Variants in NOSTRIN observed in about 807,000 individuals in gnomAD.
The protein encoded by NOSTRIN is nitric oxide synthase trafficking, also known as BM247 homolog.
A neutral mutation model predicts 59.0 loss-of-function variants in NOSTRIN; 63 were observed. The ratio of observed to expected loss-of-function variants is 1.07; its 90% CI spans 0.87 to 1.32. NOSTRIN has a LOEUF of 1.32. Ranked by LOEUF, NOSTRIN falls within the 40% of genes most tolerant of loss-of-function variation. The pLI is 0.00. For missense variants in NOSTRIN, 512 were observed against 473.1 expected, an observed-to-expected ratio of 1.08 and a Z score of -0.76; for synonymous variants, 200 against 165.4, an observed-to-expected ratio of 1.21 and a Z score of -1.61.
chr2:168,848,805 T>C (rs889723096), intron 8 of NOSTRIN, among the ~76,000 whole-genome samples: 1 of 152,044 alleles, frequency 6.6e-6, no homozygotes, highest in African/African-American at 2.4e-5. Context: ...TGAGAAGTCG[T>C]TGTTTCATGG....
intron 1 of NOSTRIN, among the ~76,000 whole-genome samples, chr2:168,804,289 A>G (rs1685735576): frequency 6.6e-6 from 1 of 152,176 alleles, no homozygotes; most frequent in African/African-American, 2.4e-5. Context: ...ATGCTGGGCC[A>G]AGGACTCCTG....
At chr2:168,848,271 G>A (rs1323644651) in intron 8 of NOSTRIN, among the ~76,000 whole-genome samples, 1 of 152,242 alleles carries the variant, frequency 6.6e-6, no homozygotes, top group African/African-American at 2.4e-5. Flanking sequence ...CTGGGAGACA[G>A]AAGGGCAGAC....
Position 168,811,665 on chromosome 2 carries a change from C to T in NOSTRIN, c.113+13C>T, listed in dbSNP as rs191918822. On this transcript the variant is annotated intron_variant, in intron 2 of 15. Coordinates refer to ENST00000317647, the MANE Select transcript of NOSTRIN (RefSeq NM_001039724.4). ...TTCTTCAGCAAAGGTACAAAATGCA[C>T]GTTTGCAATAAATGGTTCTTCCTCT... is the stretch of plus-strand genomic sequence containing the variant. The T allele has an allele frequency of 2.4e-5, 20 of 836,028 alleles. No individual in the cohort carries two copies. The highest frequency in any genetic ancestry group is 8.6e-5 in the South Asian group (6 of 69,430). The allele number at this position is 836,028 out of a possible 1,614,324, so 51.8% of individuals were successfully genotyped here.
chr2:168,831,221 TA>T (rs1328639495), intron 5 of NOSTRIN, among the ~76,000 whole-genome samples: 33 of 152,308 alleles, frequency 2.2e-4, no homozygotes, highest in African/African-American at 5.8e-4. Context: ...AGTGGCTATT[TA>T]CTCACTGTAA....
chr2:168,820,718 C>CAAAAA (rs11452657), intron 2 of NOSTRIN, among the ~76,000 whole-genome samples: 1 of 133,008 alleles, frequency 7.5e-6, no homozygotes, highest in African/African-American at 2.8e-5. Flanking sequence ...AAAAGCTGGC[C>CAAAAA]AAAAAAAAAA....
intron 7 of NOSTRIN, among the ~76,000 whole-genome samples, chr2:168,841,540 C>T (rs941148681): frequency 3.3e-5 from 5 of 152,164 alleles, no homozygotes; most frequent in African/African-American, 1.2e-4. Context: ...AGGAAACCAT[C>T]TTATCAAGCT....
upstream of NOSTRIN, among the ~76,000 whole-genome samples, chr2:168,797,795 T>C (rs1052226317): frequency 6.6e-6 from 1 of 152,056 alleles, no homozygotes; most frequent in Admixed American, 6.6e-5. Context: ...TTGGGCAACA[T>C]GGTGAGACCC....
intron 15 of NOSTRIN, chr2:168,863,270 C>T (rs934348512): frequency 4.0e-5 from 13 of 324,886 alleles, no homozygotes; most frequent in African/African-American, 2.9e-4. Context: ...AATTTACTGA[C>T]GAGGGAGAAC....
intron 1 of NOSTRIN, among the ~76,000 whole-genome samples, chr2:168,807,596 A>G (rs1341309030): frequency 6.6e-6 from 1 of 152,150 alleles, no homozygotes; most frequent in African/African-American, 2.4e-5. Flanking sequence ...CTAAATTAAC[A>G]ACAAGTATGA....
chr2:168,863,737 AAAGAC>A, intron 15 of NOSTRIN: 1 of 838,034 alleles, frequency 1.2e-6, no homozygotes, highest in Non-Finnish European at 1.4e-6. Flanking sequence ...GATCTTAAGA[AAAGAC>A]TGTTGGTGAG....
chr2:168,847,777 A>G (rs548183973), intron 8 of NOSTRIN, among the ~76,000 whole-genome samples: 6 of 152,358 alleles, frequency 3.9e-5, no homozygotes, highest in African/African-American at 1.4e-4. Context: ...CCTATTTTAT[A>G]TAAAAAGAAC....
chr2:168,861,056 T>G (rs1689414554), intron 14 of NOSTRIN, 147 bp downstream of exon 14: 1 of 591,356 alleles, frequency 1.7e-6, no homozygotes, highest in African/African-American at 1.9e-5. Flanking sequence ...TGTTAGACTC[T>G]GTAGCTTTAT....
chr2:168,830,293 TG>T (rs1687291217), intron 5 of NOSTRIN, among the ~76,000 whole-genome samples: 1 of 152,084 alleles, frequency 6.6e-6, no homozygotes, highest in Non-Finnish European at 1.5e-5. Context: ...CCGAAATGCT[TG>T]TCCTGTTTTT....
intron 2 of NOSTRIN, among the ~76,000 whole-genome samples, chr2:168,812,691 G>T (rs1044283209): frequency 6.6e-6 from 1 of 152,138 alleles, no homozygotes; most frequent in Non-Finnish European, 1.5e-5. Context: ...AATGTGGGAA[G>T]GTAAATATAC....
chr2:168,798,124 T>C (rs1685532070), upstream of NOSTRIN: 1 of 152,214 alleles, frequency 6.6e-6, no homozygotes. Context: ...TTTTTATTGT[T>C]ATTTTTAAAA....
intron 2 of NOSTRIN, among the ~76,000 whole-genome samples, chr2:168,813,798 T>TGAG (rs1686269483): frequency 1.3e-5 from 2 of 152,160 alleles, no homozygotes; most frequent in Non-Finnish European, 2.9e-5. Context: ...ATCTAATATT[T>TGAG]TACCTAGATC....
In NOSTRIN at chr2:168,862,141, T is replaced by A. The variant is rs1224558849; in HGVS notation, c.1384+92T>A. The stretch of plus-strand genomic sequence containing the variant: ...TGTCTTAGTGTGGCAGCCTTAAGAG[T>A]TACTACCATGTCAAATCAGTTCACC... On this transcript the variant is annotated intron_variant, in intron 15 of 15. Coordinates refer to ENST00000317647, the MANE Select transcript of NOSTRIN (RefSeq NM_001039724.4). 1.1e-5 allele frequency: 12 copies of A among 1,107,602 alleles called. No individual in the cohort carries two copies. The East Asian group carries it at 2.9e-4, about 27-fold the overall frequency. The allele number at this position is 1,107,602 out of a possible 1,614,324, so 68.6% of individuals were successfully genotyped here.
intron 2 of NOSTRIN, chr2:168,818,163 G>GT: frequency 9.6e-6 from 3 of 311,768 alleles, no homozygotes; most frequent in Admixed American, 3.4e-5. Context: ...ATTATTTTAT[G>GT]TTTTTTAGAG....
At chr2:168,808,514 TTCTC>T (rs765858551) in intron 1 of NOSTRIN, among the ~76,000 whole-genome samples, 39 of 152,230 alleles carry the variant, frequency 2.6e-4, no homozygotes, top group Non-Finnish European at 4.8e-4. Context: ...ATCCAGGTCT[TTCTC>T]TCTTGCACAA....
Sources: allele counts gnomAD v4.1 joint callset (sites outside exome capture counted in the v4.1 genomes callset), GRCh38; gene constraint gnomAD v4.1.1; transcripts MANE v1.5; gene names NCBI Gene and HGNC (gene_info 2026-07-23, HGNC 2026-07-21).